CYP2C18: variants seen among roughly 807,000 people sequenced by gnomAD.
The protein encoded by CYP2C18 is cytochrome P450 2C18.
Under a neutral mutation model 41.3 loss-of-function variants are expected in CYP2C18, and 38 were observed. That is an observed-to-expected ratio of 0.92 (90% CI 0.71 to 1.21). The LOEUF is 1.21. Ranked by LOEUF, CYP2C18 falls within the 50% of genes most tolerant of loss-of-function variation. The probability of loss-of-function intolerance (pLI) is 0.00; values close to 1 mark genes in which losing one functional copy is unlikely to be tolerated. For synonymous variants in CYP2C18, 236 were observed against 210.0 expected, an observed-to-expected ratio of 1.12 and a Z score of -1.07; for missense variants, 635 against 591.4, an observed-to-expected ratio of 1.07 and a Z score of -0.77.
intron 5 of CYP2C18, among the ~76,000 whole-genome samples, chr10:94,713,004 C>T (rs1241883708): frequency 6.6e-6 from 1 of 152,048 alleles, no homozygotes; most frequent in African/African-American, 2.4e-5. Flanking sequence ...AATATTCATT[C>T]AGGCTATTTG....
At chr10:94,703,929 G>A (rs116770816) in intron 4 of CYP2C18, among the ~76,000 whole-genome samples, 196 of 152,316 alleles carry the variant, frequency 1.3e-3, no homozygotes, top group African/African-American at 4.5e-3. Context: ...TGGGAAAATT[G>A]TAGTATCTGG....
At chr10:94,698,304 A>G (rs1847162792) in intron 4 of CYP2C18, among the ~76,000 whole-genome samples, 2 of 152,222 alleles carry the variant, frequency 1.3e-5, no homozygotes, top group African/African-American at 4.8e-5. Flanking sequence ...GTGCAATCAA[A>G]CTAGAACTCA....
At chr10:94,720,082 G>A (rs923920688) in intron 5 of CYP2C18, among the ~76,000 whole-genome samples, 26 of 152,140 alleles carry the variant, frequency 1.7e-4, no homozygotes, top group African/African-American at 6.3e-4. Context: ...TATGTGTTTT[G>A]AGTAAAAAGG....
At chr10:94,712,836 T>C (rs1030606219) in intron 5 of CYP2C18, among the ~76,000 whole-genome samples, 1 of 152,330 alleles carries the variant, frequency 6.6e-6, no homozygotes, top group Admixed American at 6.5e-5. Flanking sequence ...TTTTTCCACA[T>C]CTTCACCAAC....
intron 7 of CYP2C18, among the ~76,000 whole-genome samples, chr10:94,729,862 G>A (rs935754145): frequency 2.6e-5 from 4 of 152,050 alleles, no homozygotes; most frequent in Non-Finnish European, 5.9e-5. Context: ...GAGAAGAGTT[G>A]GGATGCTTCT....
rs1005286694 is a variant in CYP2C18, at chr10:94,706,759, T to A, written c.643-25T>A. The A allele has an allele frequency of 9.5e-6, 13 of 1,368,292 alleles. No individual in the cohort carries two copies. The South Asian group carries it at 1.2e-4, about 12-fold the overall frequency. The allele number at this position is 1,368,292 out of a possible 1,614,324, so 84.8% of individuals were successfully genotyped here. A position where few individuals can be genotyped will look rare whatever the true frequency, so the allele number is the denominator to read the frequency against. ...ATGTCTTCAATACATGTGTTTAATT[T>A]AATTAATTTTTAAAAATCTTTAAGG... is the stretch of plus-strand genomic sequence containing the variant. On this transcript the variant is annotated intron_variant, in intron 4 of 8. Transcript: ENST00000285979.
chr10:94,698,465 G>A (rs771608782), intron 4 of CYP2C18, among the ~76,000 whole-genome samples: 8 of 152,110 alleles, frequency 5.3e-5, no homozygotes, highest in African/African-American at 1.9e-4. Context: ...AGAATCTCTG[G>A]GACATATTCA....
intron 5 of CYP2C18, among the ~76,000 whole-genome samples, chr10:94,709,515 A>C (rs1190997904): frequency 1.3e-5 from 2 of 152,068 alleles, no homozygotes; most frequent in South Asian, 2.1e-4. Context: ...GTCCCATATC[A>C]GATGTTATTA....
intron 8 of CYP2C18, among the ~76,000 whole-genome samples, chr10:94,734,995 T>C (rs1589809520): frequency 1.3e-5 from 2 of 152,284 alleles, no homozygotes; most frequent in East Asian, 1.9e-4. Flanking sequence ...AGAGCAGTTA[T>C]AACGTGGGAA....
chr10:94,713,293 T>A (rs1354973550), intron 5 of CYP2C18, among the ~76,000 whole-genome samples: 1 of 152,110 alleles, frequency 6.6e-6, no homozygotes, highest in Non-Finnish European at 1.5e-5. Context: ...TAACTCATCA[T>A]TTACATTAGG....
chr10:94,714,075 T>G (rs1299306771), intron 5 of CYP2C18, among the ~76,000 whole-genome samples: 2 of 152,242 alleles, frequency 1.3e-5, no homozygotes, highest in Non-Finnish European at 2.9e-5. Flanking sequence ...TTCTGGATAT[T>G]AGCCCTTTGT....
chr10:94,712,701 T>C (rs144423758), intron 5 of CYP2C18, among the ~76,000 whole-genome samples: 39 of 152,290 alleles, frequency 2.6e-4, no homozygotes, highest in African/African-American at 9.1e-4. Context: ...TTTGAGTAAA[T>C]GCCCATAAGC....
intron 5 of CYP2C18, among the ~76,000 whole-genome samples, chr10:94,714,683 A>G (rs990333066): frequency 1.3e-5 from 2 of 152,112 alleles, no homozygotes; most frequent in African/African-American, 4.8e-5. Flanking sequence ...TTCCATATGA[A>G]CTTTAAAGTA....
At chr10:94,694,803 A>G (rs1275972351) in intron 3 of CYP2C18, 114 bp from the exon 4 acceptor site, 1 of 1,172,714 alleles carries the variant, frequency 8.5e-7, no homozygotes, top group Non-Finnish European at 1.2e-6. Flanking sequence ...TTGATAAGAG[A>G]ATTTCTAGGT....
chr10:94,728,625 A>G, intron 7 of CYP2C18: 1 of 977,256 alleles, frequency 1.0e-6, no homozygotes, highest in Non-Finnish European at 1.2e-6. Flanking sequence ...CATTTCTGTG[A>G]TCAACCCCTC....
Position 94,724,460 on chromosome 10 carries a change from T to A in CYP2C18, c.1076T>A (p.Ile359Asn). The A allele has an allele frequency of 6.2e-7, 1 of 1,613,626 alleles. No homozygotes were observed. The highest frequency in any genetic ancestry group is 8.5e-7 in the Non-Finnish European group (1 of 1,179,738). ...GTGGTGCACGAGATCCAGAGATACA[T>A]TGACCTCCTCCCCACCAACCTGCCC... ...DAVVHEIQRY[I>N]DLLPTNLPHA... Residue 359 changes from isoleucine (I) to asparagine (N), a missense_variant, in exon 7 of 9, where the codon ATT (isoleucine) becomes AAT (asparagine). Physicochemically the swap from Ile to Asn is moderately radical, Grantham distance 149 (BLOSUM62 -3). Coordinates refer to ENST00000285979, the MANE Select transcript of CYP2C18 (RefSeq NM_000772.3).
rs182987359 is a variant in CYP2C18 at position 94,733,640 on chromosome 10, C to T, written c.1291+202C>T. On this transcript the variant is annotated intron_variant, in intron 8 of 8. Coordinates refer to ENST00000285979, the MANE Select transcript of CYP2C18 (RefSeq NM_000772.3). ...TTAGTGGGGCTTTGGGGAGTTGATC[C>T]AGTTTTTCAAACTGAAAAAGCTAGA... 380 of 977,670 alleles carry T rather than the reference C, an allele frequency of 3.9e-4. 1 individual carries two copies. Among genetic ancestry groups the T allele is most frequent in the Middle Eastern group, 5.3e-4 (1 of 1,900 alleles). 60.6% of individuals were successfully genotyped at this position (977,670 alleles called of 1,614,324 possible).
At chr10:94,712,278 A>T (rs906157697) in intron 5 of CYP2C18, among the ~76,000 whole-genome samples, 2 of 151,482 alleles carry the variant, frequency 1.3e-5, no homozygotes, top group Admixed American at 6.6e-5. Context: ...ATTATTTTTT[A>T]AAAAAGAGAT....
intron 5 of CYP2C18, among the ~76,000 whole-genome samples, chr10:94,718,109 G>T (rs1847586450): frequency 6.6e-6 from 1 of 151,644 alleles, no homozygotes; most frequent in Non-Finnish European, 1.5e-5. Context: ...TTTTTTATTT[G>T]TGTCTTCTTC....
Sources: allele counts gnomAD v4.1 joint callset (sites outside exome capture counted in the v4.1 genomes callset), GRCh38; gene constraint gnomAD v4.1.1; transcripts MANE v1.5; gene names NCBI Gene and HGNC (gene_info 2026-07-23, HGNC 2026-07-21).